Variants in MCTP1 observed in about 807,000 individuals in gnomAD.
MCTP1 encodes the protein multiple C2 and transmembrane domain-containing protein 1.
In MCTP1, 69 loss-of-function variants were observed where a neutral mutation model predicts 120.6. That is an observed-to-expected ratio of 0.57 (90% CI 0.47 to 0.70). MCTP1 has a LOEUF of 0.70. Ranked by LOEUF, MCTP1 falls within the 30% of genes least tolerant of loss-of-function variation. The pLI is 0.00. For missense variants in MCTP1, 1,203 were observed against 1,248.8 expected, an observed-to-expected ratio of 0.96 and a Z score of 0.55; for synonymous variants, 529 against 493.1, an observed-to-expected ratio of 1.07 and a Z score of -0.96.
At chr5:94,898,167 T>G (rs567450014) in intron 10 of MCTP1, among the ~76,000 whole-genome samples, 8 of 152,342 alleles carry the variant, frequency 5.3e-5, no homozygotes, top group African/African-American at 1.9e-4. Context: ...ATTCAGTGTT[T>G]CAGAATTTTG....
chr5:94,932,441 A>C (rs1815004682), intron 5 of MCTP1, among the ~76,000 whole-genome samples: 1 of 152,018 alleles, frequency 6.6e-6, no homozygotes, highest in Non-Finnish European at 1.5e-5. Context: ...CTTTAACTAC[A>C]TCAGGGCCTA....
chr5:95,173,212 A>C (rs1483537140), intron 1 of MCTP1, among the ~76,000 whole-genome samples: 1 of 152,352 alleles, frequency 6.6e-6, no homozygotes, highest in African/African-American at 2.4e-5. Context: ...TGAGGCTACA[A>C]GCAATTTCAA....
chr5:95,194,705 G>A lies in MCTP1; in HGVS notation c.720+89151C>T, dbSNP rs529379204. On this transcript the variant is annotated intron_variant, in intron 1 of 22. Transcript: ENST00000515393. Reference sequence around the variant, plus strand: ...AAGAAAATAAAACCCCACATCCAGGGCAGTGTCTAGACCTGAACGTTACTG... The same window carrying A: ...AAGAAAATAAAACCCCACATCCAGGACAGTGTCTAGACCTGAACGTTACTG... 2.6e-5 allele frequency among the ~76,000 whole-genome samples: 4 copies of A among 152,254 alleles called. No homozygotes were observed. In the East Asian group the frequency reaches 7.7e-4, roughly 29 times the overall value.
intron 1 of MCTP1, among the ~76,000 whole-genome samples, chr5:95,280,786 G>C (rs1760253223): frequency 6.6e-6 from 1 of 152,202 alleles, no homozygotes; most frequent in South Asian, 2.1e-4. Flanking sequence ...AGGACCAGCA[G>C]GCACATGGAA....
chr5:95,050,035 C>A (rs568473716), intron 1 of MCTP1, among the ~76,000 whole-genome samples: 3 of 151,520 alleles, frequency 2.0e-5, no homozygotes, highest in Admixed American at 6.6e-5. Context: ...TGACCTCTAC[C>A]CCCGTTAGGC....
intron 19 of MCTP1, among the ~76,000 whole-genome samples, chr5:94,728,044 G>A (rs1762455143): frequency 6.6e-6 from 1 of 152,140 alleles, no homozygotes; most frequent in Non-Finnish European, 1.5e-5. Context: ...TGATATATGG[G>A]GTAGGCCTGT....
intron 1 of MCTP1, among the ~76,000 whole-genome samples, chr5:95,107,935 G>C (rs1225285629): frequency 1.3e-5 from 2 of 152,132 alleles, no homozygotes; most frequent in African/African-American, 4.8e-5. Context: ...GTGGTTTGCT[G>C]CACCTATCAA....
chr5:94,794,568 C>A (rs1012714797), intron 18 of MCTP1, among the ~76,000 whole-genome samples: 24 of 152,214 alleles, frequency 1.6e-4, no homozygotes, highest in Non-Finnish European at 3.4e-4. Flanking sequence ...GACTTTACAA[C>A]AGGGCACAAT....
intron 1 of MCTP1, among the ~76,000 whole-genome samples, chr5:95,022,782 C>T (rs1838453379): frequency 6.6e-6 from 1 of 152,114 alleles, no homozygotes; most frequent in Non-Finnish European, 1.5e-5. Context: ...GCAGCCATTA[C>T]CAACTGATAA....
chr5:94,781,898 G>A (rs1206401217), intron 18 of MCTP1, among the ~76,000 whole-genome samples: 1 of 152,144 alleles, frequency 6.6e-6, no homozygotes, highest in South Asian at 2.1e-4. Flanking sequence ...CCTTTTTGCT[G>A]TGTTTTAGCG....
intron 1 of MCTP1, among the ~76,000 whole-genome samples, chr5:95,075,615 A>G (rs1057112784): frequency 2.6e-5 from 4 of 152,196 alleles, no homozygotes; most frequent in Non-Finnish European, 5.9e-5. Context: ...ATAAAAAAAC[A>G]CCTAGATGGA....
intron 19 of MCTP1, among the ~76,000 whole-genome samples, chr5:94,720,513 TAGAA>T (rs1305693813): frequency 1.3e-5 from 2 of 152,162 alleles, no homozygotes; most frequent in South Asian, 2.1e-4. Flanking sequence ...AGAAAATATT[TAGAA>T]AGAATATATA....
intron 1 of MCTP1, among the ~76,000 whole-genome samples, chr5:95,085,328 CATA>C (rs2152331005): frequency 6.6e-6 from 1 of 151,798 alleles, no homozygotes; most frequent in African/African-American, 2.4e-5. Flanking sequence ...TATTATATAA[CATA>C]ATATCCATAA....
At chr5:94,817,222 G>T (rs765649573) in intron 17 of MCTP1, among the ~76,000 whole-genome samples, 1 of 152,114 alleles carries the variant, frequency 6.6e-6, no homozygotes, top group African/African-American at 2.4e-5. Context: ...GGCCAACATG[G>T]TGAAACCTCG....
intron 1 of MCTP1, among the ~76,000 whole-genome samples, chr5:95,200,441 C>A (rs1284524396): frequency 6.6e-6 from 1 of 152,190 alleles, no homozygotes; most frequent in Admixed American, 6.5e-5. Context: ...GACATGAAAT[C>A]AAGCTAAGTG....
intron 1 of MCTP1, among the ~76,000 whole-genome samples, chr5:95,149,754 G>GGCTC: frequency 6.6e-6 from 1 of 152,162 alleles, no homozygotes; most frequent in African/African-American, 2.4e-5. Flanking sequence ...GCTCCCTGCG[G>GGCTC]CCTTAAGCGG....
chr5:94,862,800 G>C (rs931734845), intron 17 of MCTP1, among the ~76,000 whole-genome samples: 2 of 151,748 alleles, frequency 1.3e-5, no homozygotes, highest in South Asian at 4.1e-4. Flanking sequence ...CTCCGGAGTT[G>C]AGATAAATTG....
At chr5:95,231,987 C>T (rs1182275887) in intron 1 of MCTP1, among the ~76,000 whole-genome samples, 1 of 151,878 alleles carries the variant, frequency 6.6e-6, no homozygotes, top group Non-Finnish European at 1.5e-5. Flanking sequence ...AATTCTTTGT[C>T]ATGGAGAGCT....
At chr5:94,929,392 G>A (rs772516584) in intron 6 of MCTP1, among the ~76,000 whole-genome samples, 1 of 152,122 alleles carries the variant, frequency 6.6e-6, no homozygotes, top group South Asian at 2.1e-4. Flanking sequence ...AGAAGAAAAT[G>A]ATCTGTGTTT....
Sources: gnomAD v4.1 joint callset for allele counts (sites outside exome capture counted in the v4.1 genomes callset) on GRCh38, gnomAD v4.1.1 for gene constraint, MANE v1.5 for transcripts, NCBI Gene and HGNC (gene_info 2026-07-23, HGNC 2026-07-21) for gene names.